ANAPC1: variants seen among roughly 807,000 people sequenced by gnomAD.
ANAPC1 encodes the protein anaphase promoting complex subunit 1.
A neutral mutation model predicts 208.0 loss-of-function variants in ANAPC1; 36 were observed. That is an observed-to-expected ratio of 0.17 (90% CI 0.13 to 0.23). The LOEUF (loss-of-function observed/expected upper bound fraction) is 0.23, where lower values mean the gene tolerates loss of function less well. ANAPC1 is among the 10% of genes least tolerant of loss of function. The pLI is 1.00. For missense variants in ANAPC1, 942 were observed against 2,011.6 expected (o/e 0.47, Z 10.17); for synonymous variants, 378 against 695.2 (o/e 0.54, Z 7.18).
intron 16 of ANAPC1, among the ~76,000 whole-genome samples, chr2:111,845,706 G>A (rs1681016565): frequency 6.6e-6 from 1 of 152,080 alleles, no homozygotes; most frequent in Non-Finnish European, 1.5e-5. Context: ...CGGGCGCGGT[G>A]GCTCACGCCT....
intron 26 of ANAPC1, 69 bp downstream of exon 26, chr2:111,821,170 A>C: frequency 6.3e-7 from 1 of 1,574,942 alleles, no homozygotes; most frequent in East Asian, 2.2e-5. Flanking sequence ...TGAAGGAAAA[A>C]CAAATATACA....
chr2:111,781,594 G>T (rs1398481715), intron 43 of ANAPC1, among the ~76,000 whole-genome samples: 1 of 152,272 alleles, frequency 6.6e-6, no homozygotes, highest in African/African-American at 2.4e-5. Flanking sequence ...CATCCAGTCC[G>T]CCTGCCCCAC....
At chr2:111,816,710 C>A (rs1679258443) in intron 27 of ANAPC1, among the ~76,000 whole-genome samples, 1 of 141,634 alleles carries the variant, frequency 7.1e-6, no homozygotes, top group African/African-American at 2.6e-5. Context: ...CATTTCACTG[C>A]AGCTTTAAAA....
chr2:111,846,399 T>G (rs1490038870), intron 16 of ANAPC1, among the ~76,000 whole-genome samples: 1 of 28,446 alleles, frequency 3.5e-5, no homozygotes, highest in Non-Finnish European at 1.2e-4. Context: ...ATTGAGATAT[T>G]TATTTTAAAA....
chr2:111,857,130 T>C, intron 11 of ANAPC1: 1 of 445,992 alleles, frequency 2.2e-6, no homozygotes, highest in South Asian at 2.4e-5. Context: ...GTATCTTGAT[T>C]GTGGTGGTAT....
chr2:111,832,281 C>T (rs888502401), intron 20 of ANAPC1, among the ~76,000 whole-genome samples: 8 of 138,848 alleles, frequency 5.8e-5, no homozygotes, highest in East Asian at 2.1e-4. Flanking sequence ...CCCGTCTGGG[C>T]GACAGAGTGA....
intron 18 of ANAPC1, among the ~76,000 whole-genome samples, chr2:111,837,610 CAA>C (rs34106530): frequency 0.53 from 74,663 of 141,920 alleles, 16,309 homozygotes; most frequent in Middle Eastern, 0.62. Flanking sequence ...GACTCCGTCT[CAA>C]AAAAAAAAAA....
intron 19 of ANAPC1, 117 bp downstream of exon 19, chr2:111,834,487 G>A (rs1680352616): frequency 8.2e-6 from 10 of 1,223,158 alleles, no homozygotes; most frequent in African/African-American, 1.5e-5. Context: ...CTAGTTTTCT[G>A]AGAAGGTAGA....
chr2:111,821,653 C>T (rs565858735), intron 25 of ANAPC1, 200 bp from the exon 26 acceptor site: 18 of 521,608 alleles, frequency 3.5e-5, no homozygotes, highest in African/African-American at 3.3e-4. Flanking sequence ...ATATTGCTGG[C>T]CGGGTGTGGT....
At chr2:111,816,469 T>C (rs1679245430) in intron 27 of ANAPC1, among the ~76,000 whole-genome samples, 1 of 151,994 alleles carries the variant, frequency 6.6e-6, no homozygotes, top group South Asian at 2.1e-4. Flanking sequence ...CCCAGTGAAC[T>C]TCAAAAGGGC....
At chr2:111,859,001 T>C (rs1475073176) in intron 10 of ANAPC1, among the ~76,000 whole-genome samples, 1 of 152,296 alleles carries the variant, frequency 6.6e-6, no homozygotes, top group Non-Finnish European at 1.5e-5. Context: ...AGCTCCCTAC[T>C]TGTAAAGTAA....
intron 1 of ANAPC1, among the ~76,000 whole-genome samples, chr2:111,881,249 T>C (rs1234953256): frequency 6.6e-6 from 1 of 152,166 alleles, no homozygotes; most frequent in Non-Finnish European, 1.5e-5. Context: ...CAGAACCTCA[T>C]TTGAAAAGTA....
At chr2:111,833,028 A>G (rs932500589) in intron 20 of ANAPC1, among the ~76,000 whole-genome samples, 192 bp downstream of exon 20, 1 of 151,610 alleles carries the variant, frequency 6.6e-6, no homozygotes, top group African/African-American at 2.4e-5. Flanking sequence ...CATTTTCCCT[A>G]TACACTGAAG....
At chr2:111,828,877 C>G (rs1269046015) in intron 21 of ANAPC1, among the ~76,000 whole-genome samples, 1 of 152,170 alleles carries the variant, frequency 6.6e-6, no homozygotes, top group Admixed American at 6.5e-5. Context: ...GTGATGGCAA[C>G]ATAACAATGT....
In ANAPC1 at chr2:111,784,272, A is replaced by G. The variant is rs541589610; in HGVS notation, c.4995+51T>C. The G allele has an allele frequency of 3.1e-6, 5 of 1,613,992 alleles. No homozygotes were observed. The East Asian group carries it at 6.7e-5, about 22-fold the overall frequency. On this transcript the variant is annotated intron_variant, in intron 41 of 47. Transcript: ENST00000341068. ...ATTTAGCTATCTTTAACGCTATGCC[A>G]TTCTGTTGAATTGACCCCTTGGACC...
At chr2:111,867,652 A>AC (rs1231075664) in intron 7 of ANAPC1, among the ~76,000 whole-genome samples, 2 of 151,394 alleles carry the variant, frequency 1.3e-5, no homozygotes, top group African/African-American at 4.9e-5. Context: ...AGATCACACC[A>AC]CTGCACTCCA....
At chr2:111,825,274 T>A in intron 22 of ANAPC1, 107 bp from the exon 23 acceptor site, 1 of 1,408,394 alleles carries the variant, frequency 7.1e-7, no homozygotes. Flanking sequence ...AAACAACATC[T>A]AAAAAAAAAT....
At chr2:111,843,797 G>T (rs1680900280) in intron 16 of ANAPC1, among the ~76,000 whole-genome samples, 198 bp from the exon 17 acceptor site, 1 of 144,680 alleles carries the variant, frequency 6.9e-6, no homozygotes, top group South Asian at 2.3e-4. Context: ...ATTCAACAAG[G>T]CTTGAAAGGG....
intron 13 of ANAPC1, among the ~76,000 whole-genome samples, chr2:111,853,138 T>C (rs1164469873): frequency 1.3e-5 from 2 of 152,236 alleles, no homozygotes; most frequent in African/African-American, 4.8e-5. Flanking sequence ...CCTGGTCATT[T>C]TTTTTTCCCA....
Sources: gnomAD v4.1 joint callset for allele counts (sites outside exome capture counted in the v4.1 genomes callset) on GRCh38, gnomAD v4.1.1 for gene constraint, MANE v1.5 for transcripts, NCBI Gene and HGNC (gene_info 2026-07-23, HGNC 2026-07-21) for gene names.